HDLBP: variants seen among roughly 807,000 people sequenced by gnomAD.
The protein encoded by HDLBP is vigilin.
A neutral mutation model predicts 137.3 loss-of-function variants in HDLBP; 30 were observed. The ratio of observed to expected loss-of-function variants is 0.22; its 90% confidence interval spans 0.16 to 0.30. The LOEUF (loss-of-function observed/expected upper bound fraction) is 0.30. HDLBP is among the 10% of genes least tolerant of loss of function. The probability of loss-of-function intolerance (pLI) is 1.00; values close to 1 mark genes in which losing one functional copy is unlikely to be tolerated. For synonymous variants in HDLBP, 606 were observed against 596.0 expected (o/e 1.02, Z -0.24); for missense variants, 1,119 against 1,667.3 (o/e 0.67, Z 5.73).
chr2:241,299,170 G>T (rs1333735712), intron 1 of HDLBP, among the ~76,000 whole-genome samples: 1 of 152,172 alleles, frequency 6.6e-6, no homozygotes. Flanking sequence ...GTAAATTCAG[G>T]ATCGTTTTTT....
chr2:241,238,818 A>T lies in HDLBP; in HGVS notation c.2611-31T>A. On this transcript the variant is annotated intron_variant, in intron 19 of 27. Transcript: ENST00000310931. The surrounding 1 kb of genome is among the most constrained non-coding windows in gnomAD (Gnocchi z 4.9). ...GGGAGGTACACAAAGAAAAAAGAAA[A>T]GAGCAAAGATTAAATTCCTTAGGGC... is the stretch of plus-strand genomic sequence containing the variant. 6.8e-7 allele frequency: 1 copy of T among 1,470,200 alleles called. No individual in the cohort carries two copies. The highest frequency in any genetic ancestry group is 9.1e-7 in the Non-Finnish European group (1 of 1,098,494). The allele number at this position is 1,470,200 out of a possible 1,614,324, so 91.1% of individuals were successfully genotyped here.
intron 1 of HDLBP, among the ~76,000 whole-genome samples, chr2:241,277,791 A>C (rs182172325): frequency 6.6e-6 from 1 of 152,004 alleles, no homozygotes; most frequent in South Asian, 2.1e-4. Context: ...ATGAAACCCT[A>C]TCTCTACTAA....
chr2:241,275,189 C>T (rs777050959), intron 1 of HDLBP, among the ~76,000 whole-genome samples: 5 of 151,942 alleles, frequency 3.3e-5, no homozygotes, highest in East Asian at 1.9e-4. Flanking sequence ...CCCCCCACCC[C>T]GCCTCAGGAA....
chr2:241,275,563 T>C (rs2074360026), intron 1 of HDLBP, among the ~76,000 whole-genome samples: 1 of 152,170 alleles, frequency 6.6e-6, no homozygotes, highest in African/African-American at 2.4e-5. Flanking sequence ...TGATACAACA[T>C]TCTTCCCTCA....
intron 1 of HDLBP, chr2:241,271,111 C>T (rs902140684): frequency 2.0e-6 from 2 of 985,310 alleles, no homozygotes; most frequent in African/African-American, 1.7e-5. Context: ...CCGCTCTCCT[C>T]CAAGGCTCCT....
At chr2:241,265,811 G>A (rs2073621665) in intron 3 of HDLBP, among the ~76,000 whole-genome samples, 1 of 152,122 alleles carries the variant, frequency 6.6e-6, no homozygotes, top group South Asian at 2.1e-4. Flanking sequence ...CATTCTTTCA[G>A]TGCCGTCTTC....
At chr2:241,277,073 A>G (rs1488857619) in intron 1 of HDLBP, among the ~76,000 whole-genome samples, 1 of 152,118 alleles carries the variant, frequency 6.6e-6, no homozygotes, top group Non-Finnish European at 1.5e-5. Context: ...CTCAACTTAA[A>G]AATTTAAAGA....
intron 24 of HDLBP, among the ~76,000 whole-genome samples, chr2:241,231,521 C>G (rs1413326246): frequency 6.6e-6 from 1 of 152,098 alleles, no homozygotes; most frequent in African/African-American, 2.4e-5. Flanking sequence ...AAAGGAGAGA[C>G]ACTAACAGGC....
chr2:241,238,623 C>A lies in HDLBP; in HGVS notation c.2749+26G>T. Reference sequence around the variant, plus strand: ...CATGGGAGGCGCCACTATTAACAAGCAGAGCAGGGCTAATGGGGGACCCAC... The same window carrying A: ...CATGGGAGGCGCCACTATTAACAAGAAGAGCAGGGCTAATGGGGGACCCAC... On this transcript the variant is annotated intron_variant, in intron 20 of 27. Transcript: ENST00000310931. The surrounding 1 kb of genome is among the most constrained non-coding windows in gnomAD (Gnocchi z 4.9). The A allele has an allele frequency of 6.7e-7, 1 of 1,490,570 alleles. No individual in the cohort carries two copies. 92.3% of individuals were successfully genotyped at this position (1,490,570 alleles called of 1,614,324 possible). A position where few individuals can be genotyped will look rare whatever the true frequency, so the allele number is the denominator to read the frequency against.
intron 3 of HDLBP, among the ~76,000 whole-genome samples, chr2:241,265,394 G>T (rs1195246687): frequency 6.6e-6 from 1 of 152,150 alleles, no homozygotes; most frequent in Non-Finnish European, 1.5e-5. Context: ...CTCCAGCCTG[G>T]GCAACAAGAG....
At chr2:241,275,561 C>T (rs2074359796) in intron 1 of HDLBP, among the ~76,000 whole-genome samples, 1 of 152,186 alleles carries the variant, frequency 6.6e-6, no homozygotes, top group Non-Finnish European at 1.5e-5. Flanking sequence ...AATGATACAA[C>T]ATTCTTCCCT....
intron 1 of HDLBP, among the ~76,000 whole-genome samples, chr2:241,300,812 C>T (rs73116332): frequency 0.03 from 4,569 of 152,150 alleles, 155 homozygotes; most frequent in African/African-American, 0.081. Context: ...GTTGTGCAGA[C>T]GACAAAGGGA....
rs139514498 is a variant in HDLBP at position 241,276,875 on chromosome 2, A to G, written c.-102-8334T>C. 5.1e-3 allele frequency among the ~76,000 whole-genome samples: 773 copies of G among 152,264 alleles called. 4 individuals carry two copies. The highest frequency in any genetic ancestry group is 0.018 in the African/African-American group (739 of 41,554). ...CCCAACTCTCTTGGTAACACAGGTT[A>G]TGGGATTGGAAAATGTATAGAGGAT... On this transcript the variant is annotated intron_variant, in intron 1 of 27. Coordinates refer to ENST00000310931, the MANE Select transcript of HDLBP (RefSeq NM_005336.6).
chr2:241,244,810 A>T (rs1400877586), intron 16 of HDLBP, among the ~76,000 whole-genome samples: 1 of 152,116 alleles, frequency 6.6e-6, no homozygotes, highest in Non-Finnish European at 1.5e-5. Flanking sequence ...AAATAATGGA[A>T]TTTTTTTTAA....
Position 241,255,120 on chromosome 2 carries a change from G to T in HDLBP, c.1119C>A (p.Ser373=), listed in dbSNP as rs1343347691. Residue 373 remains serine (S), a synonymous_variant, in exon 9 of 28, where the codon TCC becomes TCA. Coordinates refer to ENST00000310931, the MANE Select transcript of HDLBP (RefSeq NM_005336.6). The part of the protein sequence containing the change: ...SFTVSSVAAP[S]WLHRFIIGKK... The stretch of plus-strand genomic sequence containing the variant: ...TGCCAATGATGAAACGGTGAAGCCA[G>T]GAAGGGGCGGCGACAGAGGAGACGG... 6.2e-7 allele frequency: 1 copy of T among 1,614,202 alleles called. No homozygotes were observed. The highest frequency in any genetic ancestry group is 8.5e-7 in the Non-Finnish European group (1 of 1,180,020).
At chr2:241,315,322 G>C (rs12624197) in intron 1 of HDLBP, 79,758 of 151,910 alleles carry the variant, frequency 0.53, 21,785 homozygotes, top group East Asian at 0.78. Flanking sequence ...TGGGCTAGAC[G>C]AGTTTCGCGC....
At chr2:241,308,616 T>C (rs1377983099) in intron 1 of HDLBP, among the ~76,000 whole-genome samples, 1 of 152,144 alleles carries the variant, frequency 6.6e-6, no homozygotes, top group Admixed American at 6.5e-5. Flanking sequence ...TATACTGTTT[T>C]GCGGGGTATG....
chr2:241,266,707 T>G, intron 3 of HDLBP, 87 bp downstream of exon 3: 1 of 917,774 alleles, frequency 1.1e-6, no homozygotes, highest in South Asian at 1.4e-5. Flanking sequence ...AAAAGGTACT[T>G]CTAGAAAGGG....
chr2:241,268,292 C>T (rs894096563), intron 2 of HDLBP, 185 bp downstream of exon 2: 1 of 176,374 alleles, frequency 5.7e-6, no homozygotes, highest in African/African-American at 2.4e-5. Flanking sequence ...CTAAGGGACA[C>T]ACGTCTATAG....
Sources: allele counts gnomAD v4.1 joint callset (sites outside exome capture counted in the v4.1 genomes callset), GRCh38; gene constraint gnomAD v4.1.1; non-coding constraint Gnocchi (gnomAD v3.1); transcripts MANE v1.5; gene names NCBI Gene and HGNC (gene_info 2026-07-23, HGNC 2026-07-21).